Variants in CNTLN observed in about 807,000 individuals in gnomAD.
The protein encoded by CNTLN is centlein, also known as centlein, centrosomal protein.
A neutral mutation model predicts 180.0 loss-of-function variants in CNTLN; 212 were observed. That is an observed-to-expected ratio of 1.18 (90% CI 1.05 to 1.32). The LOEUF is 1.32. CNTLN is among the 40% of genes most tolerant of loss of function. CNTLN has a pLI of 0.00. For missense variants in CNTLN, 2,095 were observed against 1,610.9 expected, an observed-to-expected ratio of 1.30 and a Z score of -5.14; for synonymous variants, 722 against 563.1, an observed-to-expected ratio of 1.28 and a Z score of -3.99.
chr9:17,227,687 C>G (rs778819517), intron 3 of CNTLN, among the ~76,000 whole-genome samples: 7 of 152,074 alleles, frequency 4.6e-5, no homozygotes, highest in Non-Finnish European at 1.0e-4. Context: ...CCCTACATTT[C>G]TATCTGTTCT....
chr9:17,268,755 C>G (rs1827705050), intron 5 of CNTLN, among the ~76,000 whole-genome samples: 2 of 152,060 alleles, frequency 1.3e-5, no homozygotes, highest in Admixed American at 1.3e-4. Flanking sequence ...GCACTCCTCC[C>G]CCAGCCTCGC....
chr9:17,421,395 C>T (rs1050318552), intron 18 of CNTLN, among the ~76,000 whole-genome samples: 15 of 151,684 alleles, frequency 9.9e-5, no homozygotes, highest in African/African-American at 3.6e-4. Context: ...TAGTCATGTT[C>T]TTTTTTGGTT....
At chr9:17,229,605 C>T (rs1423302930) in intron 3 of CNTLN, among the ~76,000 whole-genome samples, 1 of 152,028 alleles carries the variant, frequency 6.6e-6, no homozygotes, top group Non-Finnish European at 1.5e-5. Flanking sequence ...TTCTTGGGGC[C>T]TTCAACTGAT....
At chr9:17,150,401 A>G (rs1031788494) in intron 2 of CNTLN, among the ~76,000 whole-genome samples, 5 of 152,216 alleles carry the variant, frequency 3.3e-5, no homozygotes. Context: ...CATTTATTAA[A>G]TAGGGAATCT....
chr9:17,258,206 T>C (rs894219504), intron 5 of CNTLN, among the ~76,000 whole-genome samples: 1 of 146,820 alleles, frequency 6.8e-6, no homozygotes, highest in Non-Finnish European at 1.5e-5. Context: ...GGCTAGCCAG[T>C]TTTCCCAGCA....
chr9:17,355,475 G>A (rs919384464), intron 12 of CNTLN, among the ~76,000 whole-genome samples: 6 of 152,246 alleles, frequency 3.9e-5, no homozygotes, highest in African/African-American at 1.4e-4. Flanking sequence ...TGTAGCTTAT[G>A]CTTTTGGTGT....
chr9:17,245,620 T>C (rs563549783), intron 5 of CNTLN, among the ~76,000 whole-genome samples: 1 of 152,220 alleles, frequency 6.6e-6, no homozygotes, highest in African/African-American at 2.4e-5. Flanking sequence ...ATTATCCCTT[T>C]GAATATATTT....
At chr9:17,406,787 G>T (rs142459470) in intron 15 of CNTLN, among the ~76,000 whole-genome samples, 1 of 151,608 alleles carries the variant, frequency 6.6e-6, no homozygotes, top group African/African-American at 2.4e-5. Flanking sequence ...TTTGAATAAT[G>T]AATGAATAAA....
chr9:17,149,610 C>T (rs200131449), intron 2 of CNTLN, among the ~76,000 whole-genome samples: 11 of 151,014 alleles, frequency 7.3e-5, no homozygotes, highest in Non-Finnish European at 1.2e-4. Flanking sequence ...CTCTGCCTCC[C>T]GGGTTCATGC....
At chr9:17,282,229 G>T (rs1157880723) in intron 6 of CNTLN, among the ~76,000 whole-genome samples, 1 of 152,096 alleles carries the variant, frequency 6.6e-6, no homozygotes, top group Non-Finnish European at 1.5e-5. Context: ...CCAAAGTGCT[G>T]GGATTACAGA....
intron 7 of CNTLN, among the ~76,000 whole-genome samples, chr9:17,306,328 T>C (rs1818712585): frequency 6.6e-6 from 1 of 152,046 alleles, no homozygotes; most frequent in South Asian, 2.1e-4. Flanking sequence ...TTTGTATTTT[T>C]AGTAGAGACA....
At chr9:17,169,484 G>A (rs942475855) in intron 2 of CNTLN, among the ~76,000 whole-genome samples, 4 of 152,142 alleles carry the variant, frequency 2.6e-5, no homozygotes, top group South Asian at 2.1e-4. Context: ...TGACAAGACC[G>A]ATGTCAAGGA....
intron 2 of CNTLN, among the ~76,000 whole-genome samples, chr9:17,216,483 T>C (rs1823762388): frequency 6.6e-6 from 1 of 152,180 alleles, no homozygotes; most frequent in Non-Finnish European, 1.5e-5. Flanking sequence ...TATTGACATG[T>C]TTTTATTGGC....
intron 7 of CNTLN, chr9:17,298,607 G>A (rs1273595629): frequency 2.8e-6 from 3 of 1,071,298 alleles, no homozygotes; most frequent in Admixed American, 5.2e-5. Context: ...TTTATAAATT[G>A]GCATTCAGAC....
chr9:17,165,242 T>C (rs1819987736), intron 2 of CNTLN, among the ~76,000 whole-genome samples: 1 of 152,188 alleles, frequency 6.6e-6, no homozygotes, highest in African/African-American at 2.4e-5. Context: ...AAGTGAAAAT[T>C]TGAAACTATG....
chr9:17,323,582 G>C (rs16935514), intron 8 of CNTLN, among the ~76,000 whole-genome samples: 1,999 of 152,268 alleles, frequency 0.013, 43 homozygotes, highest in African/African-American at 0.046. Flanking sequence ...CTGCTGGCTA[G>C]AAATGAGGGA....
chr9:17,348,038 T>C (rs912277757), intron 12 of CNTLN, among the ~76,000 whole-genome samples: 3 of 152,026 alleles, frequency 2.0e-5, no homozygotes, highest in African/African-American at 7.2e-5. Context: ...ACCATGTTGG[T>C]CAGTCTGGTA....
chr9:17,290,934 G>C (rs963226862), intron 6 of CNTLN, among the ~76,000 whole-genome samples: 1 of 152,178 alleles, frequency 6.6e-6, no homozygotes, highest in African/African-American at 2.4e-5. Flanking sequence ...GAGAAACCCG[G>C]TACCTCAGAT....
At chr9:17,488,466 T>C (rs117428277) in intron 25 of CNTLN, among the ~76,000 whole-genome samples, 1,558 of 152,278 alleles carry the variant, frequency 0.01, 7 homozygotes, top group Middle Eastern at 0.031. Flanking sequence ...TTTTAATGAA[T>C]TTTTAAAATG....
Sources: allele counts gnomAD v4.1 joint callset (sites outside exome capture counted in the v4.1 genomes callset), GRCh38; gene constraint gnomAD v4.1.1; transcripts MANE v1.5; gene names NCBI Gene and HGNC (gene_info 2026-07-23, HGNC 2026-07-21).